FNBP1: variants seen among roughly 807,000 people sequenced by gnomAD.
The protein encoded by FNBP1 is formin-binding protein 1.
In FNBP1, 26 loss-of-function variants were observed where a neutral mutation model predicts 90.6. That is an observed-to-expected ratio of 0.29 (90% CI 0.21 to 0.40). The LOEUF is 0.40. FNBP1 is among the 10% of genes least tolerant of loss of function. The pLI is 1.00. For missense variants in FNBP1, 635 were observed against 768.0 expected (o/e 0.83, Z 2.05); for synonymous variants, 260 against 265.2 (o/e 0.98, Z 0.19).
At chr9:129,934,918 T>C (rs1272676220) in intron 6 of FNBP1, among the ~76,000 whole-genome samples, 1 of 152,024 alleles carries the variant, frequency 6.6e-6, no homozygotes, top group Non-Finnish European at 1.5e-5. Context: ...CCATTCTCAA[T>C]ATCATTATGG....
At chr9:129,910,184 A>AAG (rs900585275) in intron 11 of FNBP1, 1 of 456,202 alleles carries the variant, frequency 2.2e-6, no homozygotes, top group Admixed American at 2.3e-5. Context: ...TATGTTCATA[A>AAG]AGAGAGAGAA....
intron 16 of FNBP1, 70 bp downstream of exon 16, chr9:129,895,768 T>G (rs780089292): frequency 2.1e-6 from 3 of 1,457,120 alleles, no homozygotes; most frequent in Non-Finnish European, 2.7e-6. Flanking sequence ...ACAGTCATGG[T>G]TGTGGGGAGA....
Position 129,979,387 on chromosome 9 carries a change from T to G in FNBP1, c.141-13A>C. The G allele has an allele frequency of 1.9e-6, 3 of 1,576,306 alleles. No individual in the cohort carries two copies. Among genetic ancestry groups the G allele is most frequent in the Non-Finnish European group, 2.6e-6 (3 of 1,147,460 alleles). ...CTTTGAAAGATTCCTGAAATAAAAA[T>G]GCAGACATGTCAGCTTTATATAGAA... On this transcript the variant is annotated splice_polypyrimidine_tract_variant and intron_variant, in intron 2 of 16. Coordinates refer to ENST00000446176, the MANE Select transcript of FNBP1 (RefSeq NM_015033.3).
At chr9:129,991,177 C>T (rs533427864) in intron 2 of FNBP1, among the ~76,000 whole-genome samples, 6 of 152,026 alleles carry the variant, frequency 3.9e-5, no homozygotes, top group African/African-American at 1.4e-4. Flanking sequence ...TCCAGTGATC[C>T]CCCTGCACCT....
Position 129,900,358 on chromosome 9 carries a change from A to G in FNBP1, c.1550+68T>C. 1.4e-6 allele frequency: 2 copies of G among 1,435,348 alleles called. No homozygotes were observed. 88.9% of individuals were successfully genotyped at this position (1,435,348 alleles called of 1,614,324 possible). ...TGCCTTATGGTCATTCCAGATTCCA[A>G]AATTTAGAAATAAATACAAAGCCAA... On this transcript the variant is annotated intron_variant, in intron 14 of 16. Transcript: ENST00000446176. The surrounding 1 kb of genome is among the most constrained non-coding windows in gnomAD (Gnocchi z 4.1).
At chr9:129,929,409 CAAAAAAAA>C (rs11290487) in intron 7 of FNBP1, among the ~76,000 whole-genome samples, 150 bp downstream of exon 7, 2 of 61,214 alleles carry the variant, frequency 3.3e-5, no homozygotes, top group Non-Finnish European at 5.8e-5. Context: ...GACTCTGTCT[CAAAAAAAA>C]AAAAAAAAAA....
At chr9:130,037,044 C>A (rs374739591) in intron 1 of FNBP1, among the ~76,000 whole-genome samples, 65 of 129,078 alleles carry the variant, frequency 5.0e-4, no homozygotes, top group South Asian at 1.3e-3. Context: ...GACTCCATCT[C>A]AAAAAAAAAA....
At chr9:129,909,082 G>GC (rs773318755) in intron 11 of FNBP1, 83 bp from the exon 12 acceptor site, 34 of 878,638 alleles carry the variant, frequency 3.9e-5, no homozygotes, top group Admixed American at 6.9e-5. Flanking sequence ...TGCAGCCATG[G>GC]GGGGTGCAGA....
chr9:130,007,380 T>G (rs572961665), intron 1 of FNBP1, among the ~76,000 whole-genome samples: 3 of 151,504 alleles, frequency 2.0e-5, no homozygotes, highest in African/African-American at 7.3e-5. Flanking sequence ...GTGCAACAAA[T>G]GGAAGGGCTC....
At chr9:130,048,671 G>A in the FNBP1 span, among the ~76,000 whole-genome samples, 1 of 150,784 alleles carries the variant, frequency 6.6e-6, no homozygotes, top group African/African-American at 2.4e-5. Flanking sequence ...GTAGAGACGG[G>A]GTTTCACCAT....
Position 129,888,462 on chromosome 9 carries a change from G to A in FNBP1, c.*2077C>T. ...TTTGCAGGGACAGAGGTGCGGCCCTGACTCTTCTCACCCTGTGTCATCCGG... is the reference window on the plus strand; with the variant it reads ...TTTGCAGGGACAGAGGTGCGGCCCTAACTCTTCTCACCCTGTGTCATCCGG... On this transcript the variant is annotated 3_prime_UTR_variant, in exon 17 of 17. Coordinates refer to ENST00000446176, the MANE Select transcript of FNBP1 (RefSeq NM_015033.3). 8.6e-6 allele frequency: 2 copies of A among 232,702 alleles called. No homozygotes were observed. The highest frequency in any genetic ancestry group is 6.1e-5 in the East Asian group (1 of 16,522). 14.4% of individuals were successfully genotyped at this position (232,702 alleles called of 1,614,324 possible).
chr9:129,906,407 T>A (rs1043768234), intron 12 of FNBP1, among the ~76,000 whole-genome samples: 2 of 152,136 alleles, frequency 1.3e-5, no homozygotes, highest in South Asian at 2.1e-4. Context: ...TCCCCATGTG[T>A]CATGGGAGGG....
chr9:129,937,021 T>C (rs1477999729), intron 6 of FNBP1, among the ~76,000 whole-genome samples: 3 of 151,876 alleles, frequency 2.0e-5, no homozygotes, highest in Admixed American at 6.6e-5. Context: ...AATACAAAAA[T>C]TAGCTAGGCA....
chr9:129,990,932 G>GTTT (rs35179648), intron 2 of FNBP1, among the ~76,000 whole-genome samples: 6,992 of 129,860 alleles, frequency 0.054, 270 homozygotes, highest in Admixed American at 0.087. Context: ...TGACACCAGG[G>GTTT]TTTTTTTTTT....
chr9:129,974,791 T>G (rs1478317076), intron 4 of FNBP1, among the ~76,000 whole-genome samples: 2 of 150,576 alleles, frequency 1.3e-5, no homozygotes, highest in East Asian at 3.9e-4. Flanking sequence ...CTTCAGGAGG[T>G]TGAAGCTACA....
At position 130,019,628 on chromosome 9, in the gene FNBP1, T is replaced by C. The variant is rs187229835; in HGVS notation, c.24+23324A>G. Among the ~76,000 whole-genome samples, 47 of 152,314 alleles carry C rather than the reference T, an allele frequency of 3.1e-4. No individual in the cohort carries two copies. The East Asian group carries it at 7.3e-3, about 24-fold the overall frequency. ...TTGGCAATAGTTAACTGGAAAGAAATAAATGATAACCACTCTTGCTTGTTT... is the reference window on the plus strand; with the variant it reads ...TTGGCAATAGTTAACTGGAAAGAAACAAATGATAACCACTCTTGCTTGTTT... On this transcript the variant is annotated intron_variant, in intron 1 of 16. Transcript: ENST00000446176.
At chr9:129,940,632 A>C (rs1486663546) in intron 6 of FNBP1, among the ~76,000 whole-genome samples, 1 of 151,858 alleles carries the variant, frequency 6.6e-6, no homozygotes, top group Non-Finnish European at 1.5e-5. Flanking sequence ...ATATACATAT[A>C]TATACATATT....
At chr9:130,023,465 C>G (rs1181831642) in intron 1 of FNBP1, among the ~76,000 whole-genome samples, 1 of 152,154 alleles carries the variant, frequency 6.6e-6, no homozygotes, top group East Asian at 1.9e-4. Context: ...CTAGAGACTT[C>G]CCCGGCCAAG....
At chr9:129,904,645 G>C (rs912435985) in intron 12 of FNBP1, among the ~76,000 whole-genome samples, 1 of 152,196 alleles carries the variant, frequency 6.6e-6, no homozygotes, top group Non-Finnish European at 1.5e-5. Flanking sequence ...AAGAGGCTGA[G>C]ACCCACTTGG....
Sources: gnomAD v4.1 joint callset for allele counts (sites outside exome capture counted in the v4.1 genomes callset) on GRCh38, gnomAD v4.1.1 for gene constraint, Gnocchi (gnomAD v3.1) non-coding constraint, MANE v1.5 for transcripts, NCBI Gene and HGNC (gene_info 2026-07-23, HGNC 2026-07-21) for gene names.